PSD3: variants seen among roughly 807,000 people sequenced by gnomAD.
PSD3 encodes PH and SEC7 domain-containing protein 3.
Under a neutral mutation model 105.5 loss-of-function variants are expected in PSD3, and 49 were observed. The ratio of observed to expected loss-of-function variants is 0.46; its 90% confidence interval spans 0.37 to 0.59. The LOEUF is 0.59. Ranked by LOEUF, PSD3 falls within the 20% of genes least tolerant of loss-of-function variation. The pLI, the probability that PSD3 is intolerant of heterozygous loss-of-function variation, is 0.00. For synonymous variants in PSD3, 557 were observed against 457.8 expected (o/e 1.22, Z -2.77); for missense variants, 1,561 against 1,263.8 (o/e 1.24, Z -3.57).
At chr8:18,743,578 A>G (rs1804746725) in intron 9 of PSD3, among the ~76,000 whole-genome samples, 1 of 152,170 alleles carries the variant, frequency 6.6e-6, no homozygotes, top group South Asian at 2.1e-4. Flanking sequence ...CCTTTCATTC[A>G]AAATACCTAT....
intron 1 of PSD3, among the ~76,000 whole-genome samples, chr8:19,060,781 TAA>T (rs1364438417): frequency 6.6e-6 from 1 of 152,190 alleles, no homozygotes; most frequent in Non-Finnish European, 1.5e-5. Context: ...CCCTCAATTA[TAA>T]AGTTAGCTGA....
At chr8:18,761,817 A>G (rs1806565251) in intron 9 of PSD3, among the ~76,000 whole-genome samples, 1 of 152,196 alleles carries the variant, frequency 6.6e-6, no homozygotes, top group East Asian at 1.9e-4. Context: ...GGATGGGTGG[A>G]GCCAGTAGAA....
chr8:18,703,381 C>T (rs969701627), intron 9 of PSD3, among the ~76,000 whole-genome samples: 1 of 152,168 alleles, frequency 6.6e-6, no homozygotes, highest in African/African-American at 2.4e-5. Context: ...TGAAAAGGTG[C>T]TCATTAAGCA....
At position 18,527,399 on chromosome 8, in the gene PSD3, A is replaced by G. The variant is rs1049651823; in HGVS notation, c.*8344T>C. The G allele has an allele frequency of 8.5e-5, 13 of 152,632 alleles. No individual in the cohort carries two copies. Among genetic ancestry groups the G allele is most frequent in the African/African-American group, 2.9e-4 (12 of 41,462 alleles). The allele number at this position is 152,632 out of a possible 1,614,324, so 9.5% of individuals were successfully genotyped here. ...TCCTTCACTATTTTGCGTGATTTCT[A>G]TTACATAAAAACCATTTAAATGCAA... On this transcript the variant is annotated 3_prime_UTR_variant, in exon 16 of 16. Coordinates refer to ENST00000327040, the MANE Select transcript of PSD3 (RefSeq NM_015310.4).
chr8:18,725,564 T>G (rs1396317522), intron 9 of PSD3, among the ~76,000 whole-genome samples: 1 of 152,110 alleles, frequency 6.6e-6, no homozygotes, highest in African/African-American at 2.4e-5. Context: ...TTTCCCCTCT[T>G]TTGAGAGACG....
In PSD3 at chr8:18,675,197, T is replaced by C. The variant is rs973561074; in HGVS notation, c.2173-19512A>G. 1.6e-4 allele frequency among the ~76,000 whole-genome samples: 24 copies of C among 152,218 alleles called. 1 individual carries two copies. The East Asian group carries it at 1.9e-3, about 12-fold the overall frequency. Reference sequence around the variant, plus strand: ...GGGAGACCTTAGAAGAAAACTGTAATGAAAAAGCTCAATAAGGATTCGTTC... The same window carrying C: ...GGGAGACCTTAGAAGAAAACTGTAACGAAAAAGCTCAATAAGGATTCGTTC... On this transcript the variant is annotated intron_variant, in intron 9 of 15. Coordinates refer to ENST00000327040, the MANE Select transcript of PSD3 (RefSeq NM_015310.4).
intron 14 of PSD3, among the ~76,000 whole-genome samples, chr8:18,567,458 A>G (rs1801860859): frequency 2.0e-5 from 3 of 152,316 alleles, no homozygotes; most frequent in South Asian, 4.1e-4. Context: ...CTGCCAACAT[A>G]CCTTCTGGTC....
chr8:18,786,881 G>A (rs1342402388), intron 8 of PSD3: 1 of 152,186 alleles, frequency 6.6e-6, no homozygotes, highest in African/African-American at 2.4e-5. Flanking sequence ...AGTCAGATCA[G>A]TCCATTTTGC....
chr8:18,681,054 T>C (rs959300381), intron 9 of PSD3, among the ~76,000 whole-genome samples: 2 of 152,130 alleles, frequency 1.3e-5, no homozygotes, highest in Admixed American at 1.3e-4. Context: ...TTTCAAAGAA[T>C]ACAAAACATG....
chr8:18,551,892 C>T (rs1800789468), intron 15 of PSD3, among the ~76,000 whole-genome samples: 1 of 152,106 alleles, frequency 6.6e-6, no homozygotes, highest in Non-Finnish European at 1.5e-5. Context: ...ATAAAACTGG[C>T]TGCAGCCTCT....
chr8:18,881,271 T>C (rs1818084418), intron 2 of PSD3, among the ~76,000 whole-genome samples: 1 of 152,214 alleles, frequency 6.6e-6, no homozygotes, highest in African/African-American at 2.4e-5. Context: ...CTTTGGGTTA[T>C]ATATTAAGTA....
At chr8:18,573,630 C>A (rs1802287292) in intron 13 of PSD3, among the ~76,000 whole-genome samples, 1 of 152,130 alleles carries the variant, frequency 6.6e-6, no homozygotes, top group Admixed American at 6.5e-5. Flanking sequence ...AAAGTACTGA[C>A]ACACACTACA....
rs1186407102 is a variant in PSD3 at position 18,794,842 on chromosome 8, CT to C, written c.2082+4452del. 1.4e-4 allele frequency among the ~76,000 whole-genome samples: 2 copies of C among 14,744 alleles called. 1 individual carries two copies. Among genetic ancestry groups the C allele is most frequent in the African/African-American group, 2.6e-4 (2 of 7,700 alleles). The allele number at this position is 14,744 out of a possible 152,430, so 9.7% of individuals were successfully genotyped here. On this transcript the variant is annotated intron_variant, in intron 8 of 15. Coordinates refer to ENST00000327040, the MANE Select transcript of PSD3 (RefSeq NM_015310.4). ...CTTTCTCTATACTTTGTCTCTGTGT[CT>C]TTTTCTTTTCCAAATCTCGCGTCCC...
chr8:19,034,611 G>A (rs986360436), intron 1 of PSD3, among the ~76,000 whole-genome samples: 2 of 152,212 alleles, frequency 1.3e-5, no homozygotes, highest in African/African-American at 4.8e-5. Context: ...TACTGGGTGT[G>A]TTATTTTGGA....
intron 8 of PSD3, among the ~76,000 whole-genome samples, chr8:18,766,024 G>C (rs1423719750): frequency 6.6e-6 from 1 of 150,540 alleles, no homozygotes; most frequent in African/African-American, 2.4e-5. Flanking sequence ...AACATAACTA[G>C]ACATCTATTT....
chr8:18,656,188 G>C (rs1211768981), intron 9 of PSD3, among the ~76,000 whole-genome samples: 1 of 152,080 alleles, frequency 6.6e-6, no homozygotes, highest in Non-Finnish European at 1.5e-5. Flanking sequence ...CTCCCGAGTA[G>C]CTGGGATTAC....
intron 9 of PSD3, among the ~76,000 whole-genome samples, chr8:18,665,764 CTGTT>C (rs1209643947): frequency 3.3e-5 from 5 of 151,990 alleles, no homozygotes; most frequent in Admixed American, 6.5e-5. Flanking sequence ...GGTGAGAAGA[CTGTT>C]TGAGCCTGGG....
chr8:18,555,675 C>A (rs1415706370), intron 15 of PSD3, among the ~76,000 whole-genome samples: 1 of 152,180 alleles, frequency 6.6e-6, no homozygotes, highest in Non-Finnish European at 1.5e-5. Context: ...CCTCACCATT[C>A]TTTTTAATAA....
At chr8:18,963,091 C>T (rs1046610578) in intron 1 of PSD3, among the ~76,000 whole-genome samples, 2 of 152,096 alleles carry the variant, frequency 1.3e-5, no homozygotes, top group African/African-American at 4.8e-5. Flanking sequence ...TACATGGCAG[C>T]GGCAAGAGAA....
Sources: gnomAD v4.1 joint callset for allele counts (sites outside exome capture counted in the v4.1 genomes callset) on GRCh38, gnomAD v4.1.1 for gene constraint, MANE v1.5 for transcripts, NCBI Gene and HGNC (gene_info 2026-07-23, HGNC 2026-07-21) for gene names.